Variants in TPCN1 observed in about 807,000 individuals in gnomAD.
TPCN1 encodes the protein two pore channel protein 1.
In TPCN1, 52 loss-of-function variants were observed where a neutral mutation model predicts 108.8. The ratio of observed to expected loss-of-function variants is 0.48; its 90% confidence interval spans 0.38 to 0.60. TPCN1 has a LOEUF of 0.60. TPCN1 is among the 20% of genes least tolerant of loss of function. The pLI is 0.00. For missense variants in TPCN1, 806 were observed against 1,072.8 expected, an observed-to-expected ratio of 0.75 and a Z score of 3.47; for synonymous variants, 446 against 433.7, an observed-to-expected ratio of 1.03 and a Z score of -0.35.
At chr12:113,239,340 G>A (rs931625835) in intron 2 of TPCN1, among the ~76,000 whole-genome samples, 2 of 152,126 alleles carry the variant, frequency 1.3e-5, no homozygotes, top group East Asian at 1.9e-4. Context: ...TGAGATGACT[G>A]GGCAGGGCAG....
intron 10 of TPCN1, among the ~76,000 whole-genome samples, chr12:113,274,538 T>C (rs928991493): frequency 1.1e-4 from 16 of 152,182 alleles, no homozygotes; most frequent in African/African-American, 3.9e-4. Context: ...ACCATCCTTT[T>C]CTTTTTGGAA....
chr12:113,247,300 A>T (rs1314387804), intron 2 of TPCN1, among the ~76,000 whole-genome samples: 3 of 152,178 alleles, frequency 2.0e-5, no homozygotes, highest in Non-Finnish European at 4.4e-5. Flanking sequence ...AAACCACTCC[A>T]TCTGCACTCA....
chr12:113,263,517 T>G (rs1955124445), intron 3 of TPCN1, among the ~76,000 whole-genome samples: 3 of 152,358 alleles, frequency 2.0e-5, no homozygotes, highest in Admixed American at 2.0e-4. Flanking sequence ...TGCTTAAGCC[T>G]CCCAAAGTGC....
chr12:113,247,800 C>G (rs1179243450), intron 2 of TPCN1, among the ~76,000 whole-genome samples: 1 of 152,244 alleles, frequency 6.6e-6, no homozygotes, highest in African/African-American at 2.4e-5. Context: ...TGAAAAGTCC[C>G]TGAGTGGCCA....
Position 113,293,189 on chromosome 12 carries a change from A to C in TPCN1, c.2254-80A>C. On this transcript the variant is annotated intron_variant, in intron 26 of 27. Transcript: ENST00000335509. ...GTGACACAGTTGCAAAAGCCAGAGAAGTGGGAGACGCCAACTGTGGCACCA... is the reference window on the plus strand; with the variant it reads ...GTGACACAGTTGCAAAAGCCAGAGACGTGGGAGACGCCAACTGTGGCACCA... The C allele has an allele frequency of 4.4e-6, 7 of 1,603,708 alleles. 1 individual carries two copies. In the South Asian group the frequency reaches 7.7e-5, roughly 18 times the overall value.
chr12:113,273,074 G>A lies in TPCN1; in HGVS notation c.784-158G>A, dbSNP rs924023543. On this transcript the variant is annotated intron_variant, in intron 8 of 27. Coordinates refer to ENST00000335509, the MANE Select transcript of TPCN1 (RefSeq NM_017901.6). This position sits in a 1 kb window ranked among gnomAD's most constrained non-coding sequence, Gnocchi z 4.0. ...AGGTGCAGGAAAGGGGAGGCCTCTG[G>A]ACTGCATGTTTGCTCTTTCCTCTGC... Among the ~76,000 whole-genome samples, 2 of 152,230 alleles carry A rather than the reference G, an allele frequency of 1.3e-5. No individual in the cohort carries two copies. The highest frequency in any genetic ancestry group is 2.9e-5 in the Non-Finnish European group (2 of 68,038).
In TPCN1 at chr12:113,298,287, G is replaced by A. The variant is rs1566216621; in HGVS notation, c.*2211G>A. 6.6e-6 allele frequency: 1 copy of A among 152,304 alleles called. No individual in the cohort carries two copies. Among genetic ancestry groups the A allele is most frequent in the Non-Finnish European group, 1.5e-5 (1 of 68,098 alleles). The allele number at this position is 152,304 out of a possible 1,614,324, so 9.4% of individuals were successfully genotyped here. On this transcript the variant is annotated 3_prime_UTR_variant, in exon 28 of 28. Coordinates refer to ENST00000335509, the MANE Select transcript of TPCN1 (RefSeq NM_017901.6). ...ACAGGCTGTGAGCTCTGTGGGCCCT[G>A]GGATGTGATCTAGCTCAGATGCCCT...
chr12:113,226,742 G>C lies in TPCN1; in HGVS notation c.-111G>C. 2 of 1,571,778 alleles carry C rather than the reference G, an allele frequency of 1.3e-6. No homozygotes were observed. Among genetic ancestry groups the C allele is most frequent in the Non-Finnish European group, 1.7e-6 (2 of 1,157,768 alleles). ...CCAAACCCTAGAAGATGCCTCTAAT[G>C]GAGGAGTTTCTGAGCAGCACCCCTG... On this transcript the variant is annotated 5_prime_UTR_variant, in exon 2 of 28. An upstream start codon of the reference 5' UTR is lost. Coordinates refer to ENST00000335509, the MANE Select transcript of TPCN1 (RefSeq NM_017901.6).
At chr12:113,257,532 TTGG>T (rs1449525899) in intron 2 of TPCN1, among the ~76,000 whole-genome samples, 1 of 151,298 alleles carries the variant, frequency 6.6e-6, no homozygotes, top group Non-Finnish European at 1.5e-5. Context: ...ATATCAACAG[TTGG>T]TGGAGATGTG....
At chr12:113,264,862 G>A (rs1266931363) in intron 3 of TPCN1, among the ~76,000 whole-genome samples, 2 of 151,968 alleles carry the variant, frequency 1.3e-5, no homozygotes, top group East Asian at 1.9e-4. Context: ...TTTTGGAGAC[G>A]GGGCCCAGGT....
chr12:113,286,772 A>C (rs1349659159), intron 18 of TPCN1, among the ~76,000 whole-genome samples: 1 of 152,128 alleles, frequency 6.6e-6, no homozygotes, highest in South Asian at 2.1e-4. Flanking sequence ...GGGTCAGAGC[A>C]CTGAGGCCTG....
intron 2 of TPCN1, among the ~76,000 whole-genome samples, chr12:113,252,490 G>GGA (rs1218644879): frequency 6.6e-6 from 1 of 152,194 alleles, no homozygotes; most frequent in African/African-American, 2.4e-5. Flanking sequence ...CTCCAAAGGG[G>GGA]GTCTTCACGG....
rs371265662 is a variant in TPCN1, at chr12:113,291,728, A to G, written c.2028+51A>G. 19 of 1,595,816 alleles carry G rather than the reference A, an allele frequency of 1.2e-5. No individual in the cohort carries two copies. The African/African-American group carries it at 2.5e-4, about 21-fold the overall frequency. On this transcript the variant is annotated intron_variant, in intron 24 of 27. Transcript: ENST00000335509. ...TTTGTCCTTCGTCTTCCACATCACC[A>G]GCTGCCCCTGCTCTTCAGCCTGCAG...
chr12:113,248,798 T>A (rs1292302660), intron 2 of TPCN1, among the ~76,000 whole-genome samples: 2 of 152,030 alleles, frequency 1.3e-5, no homozygotes, highest in Non-Finnish European at 2.9e-5. Context: ...TTTGTTATAT[T>A]AAACAAAAAA....
At chr12:113,291,849 C>G (rs1179899463) in intron 24 of TPCN1, 25 bp from the exon 25 acceptor site, 1 of 1,442,280 alleles carries the variant, frequency 6.9e-7, no homozygotes, top group Non-Finnish European at 9.8e-7. Context: ...CCTGCCTCTG[C>G]CCCTCCCTCC....
chr12:113,252,321 CAGGGATGCTGCGGTATA>C (rs1225753136), intron 2 of TPCN1, among the ~76,000 whole-genome samples: 1 of 152,136 alleles, frequency 6.6e-6, no homozygotes, highest in African/African-American at 2.4e-5. Flanking sequence ...CACCTGGTCC[CAGGGATGCTGCGGTATA>C]AGTGGTAAGG....
chr12:113,265,548 CTT>C (rs773726528), intron 3 of TPCN1, among the ~76,000 whole-genome samples: 41 of 140,816 alleles, frequency 2.9e-4, no homozygotes, highest in Admixed American at 5.7e-4. Flanking sequence ...CTTTTTCTTT[CTT>C]TTTTTTTTTT....
intron 27 of TPCN1, 41 bp from the exon 28 acceptor site, chr12:113,295,914 GGGGGT>G: frequency 6.6e-7 from 1 of 1,522,674 alleles, no homozygotes; most frequent in Non-Finnish European, 8.9e-7. Context: ...GGGCGGGGCA[GGGGGT>G]GGGGTGCAGC....
rs766208598 is a variant in TPCN1, at chr12:113,226,833, G to A, written c.-20G>A. On this transcript the variant is annotated 5_prime_UTR_variant, in exon 2 of 28. Transcript: ENST00000335509. ...TCAAGCCCTGGATATCATATCCTGA[G>A]GGCCACAGGAGAAGAGAACATGGCT... The A allele has an allele frequency of 6.2e-7, 1 of 1,614,186 alleles. No individual in the cohort carries two copies. The highest frequency in any genetic ancestry group is 1.1e-5 in the South Asian group (1 of 91,086).
Sources: gnomAD v4.1 joint callset for allele counts (sites outside exome capture counted in the v4.1 genomes callset) on GRCh38, gnomAD v4.1.1 for gene constraint, Gnocchi (gnomAD v3.1) non-coding constraint, MANE v1.5 for transcripts, NCBI Gene and HGNC (gene_info 2026-07-23, HGNC 2026-07-21) for gene names.